CHRNB1: variants seen among roughly 807,000 people sequenced by gnomAD.
The protein encoded by CHRNB1 is acetylcholine receptor subunit beta.
Under a neutral mutation model 53.8 loss-of-function variants are expected in CHRNB1, and 47 were observed. The observed-to-expected ratio is 0.87, with a 90% CI of 0.69 to 1.11. The LOEUF (loss-of-function observed/expected upper bound fraction) is 1.11. Ranked by LOEUF, CHRNB1 falls within the 50% of genes most tolerant of loss-of-function variation. The probability of loss-of-function intolerance (pLI) is 0.00; values close to 1 mark genes in which losing one functional copy is unlikely to be tolerated. For missense variants in CHRNB1, 605 were observed against 654.9 expected (o/e 0.92, Z 0.83); for synonymous variants, 259 against 263.5 (o/e 0.98, Z 0.16).
At position 7,456,737 on chromosome 17, in the gene CHRNB1, G is replaced by A. The variant is rs770263810; in HGVS notation, c.*14G>A. On this transcript the variant is annotated 3_prime_UTR_variant, in exon 11 of 11. Coordinates refer to ENST00000306071, the MANE Select transcript of CHRNB1 (RefSeq NM_000747.3). ...CCCTTTCCTTGAAGACTGGAGGGTTGAGACCCAGGCCCCCTGCCAGTTGAA... is the reference window on the plus strand; with the variant it reads ...CCCTTTCCTTGAAGACTGGAGGGTTAAGACCCAGGCCCCCTGCCAGTTGAA... 4 of 1,614,174 alleles carry A rather than the reference G, an allele frequency of 2.5e-6. No homozygotes were observed. The South Asian group carries it at 4.4e-5, about 18-fold the overall frequency.
At position 7,447,380 on chromosome 17, in the gene CHRNB1, TC is replaced by T. The variant is rs755819405; in HGVS notation, c.463-120del. ...CCCCATCCCTCCCCCATTAATGGCT[TC>T]CCTTCATAACCCTCCAATTCCTCCA... On this transcript the variant is annotated intron_variant, in intron 5 of 10. Transcript: ENST00000306071. The T allele has an allele frequency of 3.1e-5, 38 of 1,221,494 alleles. No homozygotes were observed. The African/African-American group carries it at 5.3e-4, about 17-fold the overall frequency. 75.7% of individuals were successfully genotyped at this position (1,221,494 alleles called of 1,614,324 possible). A position where few individuals can be genotyped will look rare whatever the true frequency, so the allele number is the denominator to read the frequency against.
chr17:7,451,274 CTT>C (rs34769424), intron 7 of CHRNB1, among the ~76,000 whole-genome samples: 20 of 92,022 alleles, frequency 2.2e-4, no homozygotes, highest in Admixed American at 5.2e-4. Flanking sequence ...CTTTTCTTTT[CTT>C]TTTTTTTTTT....
chr17:7,445,222 G>A lies in CHRNB1; in HGVS notation c.58+37G>A. ...CCCCGAAGGGGCAGTGACGGGGCCAGCGGTCGTGGCCAGGCACCAGGGCTG... is the reference window on the plus strand; with the variant it reads ...CCCCGAAGGGGCAGTGACGGGGCCAACGGTCGTGGCCAGGCACCAGGGCTG... On this transcript the variant is annotated intron_variant, in intron 1 of 10. Transcript: ENST00000306071. This position sits in a 1 kb window ranked among gnomAD's most constrained non-coding sequence, Gnocchi z 5.7. 6.2e-7 allele frequency: 1 copy of A among 1,611,708 alleles called. No homozygotes were observed. Among genetic ancestry groups the A allele is most frequent in the Non-Finnish European group, 8.5e-7 (1 of 1,179,502 alleles).
At chr17:7,447,451 A>T in intron 5 of CHRNB1, 52 bp from the exon 6 acceptor site, 1 of 1,610,396 alleles carries the variant, frequency 6.2e-7, no homozygotes, top group South Asian at 1.1e-5. Context: ...CCCAAACTCC[A>T]CCAGCGCTGA....
intron 7 of CHRNB1, among the ~76,000 whole-genome samples, chr17:7,451,089 C>T (rs1417152330): frequency 1.3e-5 from 2 of 151,990 alleles, no homozygotes; most frequent in Non-Finnish European, 2.9e-5. Context: ...GACCTATAGA[C>T]CATAACCAGC....
rs1360306637 is a variant in CHRNB1 at position 7,456,690 on chromosome 17, G to A, written c.1473G>A (p.Thr491=). 12 of 1,614,016 alleles carry A rather than the reference G, an allele frequency of 7.4e-6. No homozygotes were observed. The highest frequency in any genetic ancestry group is 2.7e-5 in the African/African-American group (2 of 74,898). ...CCCTAGTCATCTTCCTGGACGCCACGTACCACTTGCCCCCTCCAGACCCCT... is the reference window on the plus strand; with the variant it reads ...CCCTAGTCATCTTCCTGGACGCCACATACCACTTGCCCCCTCCAGACCCCT... ...VGTLVIFLDA[T]YHLPPPDPFP is the part of the protein sequence containing the mutation. The change falls in exon 11 of 11, where the codon ACG becomes ACA. Residue 491 remains threonine (T), a synonymous_variant. Coordinates refer to ENST00000306071, the MANE Select transcript of CHRNB1 (RefSeq NM_000747.3).
intron 7 of CHRNB1, among the ~76,000 whole-genome samples, chr17:7,451,572 C>T (rs1211086067): frequency 3.3e-5 from 5 of 152,112 alleles, no homozygotes; most frequent in East Asian, 1.9e-4. Context: ...TAAGCCACCC[C>T]GCCCAGCCTG....
Position 7,445,344 on chromosome 17 carries a change from G to A in CHRNB1, c.133G>A (p.Ala45Thr), listed in dbSNP as rs1908558301. The A allele has an allele frequency of 6.2e-7, 1 of 1,613,104 alleles. No homozygotes were observed. The highest frequency in any genetic ancestry group is 8.5e-7 in the Non-Finnish European group (1 of 1,179,844). The change falls in exon 2 of 11, where the codon GCG (alanine) becomes ACG (threonine). Residue 45 changes from alanine to threonine, a missense_variant. Transcript: ENST00000306071. This position sits in a 1 kb window ranked among gnomAD's most constrained non-coding sequence, Gnocchi z 5.7. ...FSGYDSSVRPAREVGDRVRVS... is the reference protein window; with the variant it reads ...FSGYDSSVRPTREVGDRVRVS... ...TGGCTATGATAGCTCCGTGCGGCCA[G>A]CGCGGGAGGTGGGAGACCGTGTCAG...
chr17:7,455,659 A>G (rs1310449999), intron 9 of CHRNB1, 135 bp from the exon 10 acceptor site: 1 of 1,326,488 alleles, frequency 7.5e-7, no homozygotes, highest in African/African-American at 1.4e-5. Flanking sequence ...TAGAGAGATC[A>G]CTGCTGGAGG....
chr17:7,446,993 G>C, intron 4 of CHRNB1, 50 bp from the exon 5 acceptor site: 1 of 1,605,998 alleles, frequency 6.2e-7, no homozygotes, highest in South Asian at 1.1e-5. Context: ...CGGGGGGCGG[G>C]GGGCCTCCGG....
In CHRNB1 at chr17:7,445,811, G is replaced by C. The variant is rs180900017; in HGVS notation, c.199-258G>C. ...TGGATTATGAGCTGAAGGCAGGGCCGGGGACAGAGCTAGGCGGAGGGCTAG... is the reference window on the plus strand; with the variant it reads ...TGGATTATGAGCTGAAGGCAGGGCCCGGGACAGAGCTAGGCGGAGGGCTAG... On this transcript the variant is annotated intron_variant, in intron 2 of 10. Coordinates refer to ENST00000306071, the MANE Select transcript of CHRNB1 (RefSeq NM_000747.3). The surrounding 1 kb of genome is among the most constrained non-coding windows in gnomAD (Gnocchi z 5.7). 4.1e-4 allele frequency: 257 copies of C among 620,452 alleles called. 1 individual carries two copies. The African/African-American group carries it at 4.3e-3, about 10-fold the overall frequency. 38.4% of individuals were successfully genotyped at this position (620,452 alleles called of 1,614,324 possible).
intron 9 of CHRNB1, 91 bp from the exon 10 acceptor site, chr17:7,455,702 CT>C (rs761756204): frequency 2.6e-6 from 4 of 1,552,242 alleles, no homozygotes; most frequent in Non-Finnish European, 3.6e-6. Context: ...GTTTTGAGAA[CT>C]GGCAAGTTGT....
At position 7,445,640 on chromosome 17, in the gene CHRNB1, C is replaced by T; in HGVS notation, c.198+231C>T. 1 of 1,404,004 alleles carries T rather than the reference C, an allele frequency of 7.1e-7. No individual in the cohort carries two copies. The highest frequency in any genetic ancestry group is 9.3e-7 in the Non-Finnish European group (1 of 1,073,550). The allele number at this position is 1,404,004 out of a possible 1,614,324, so 87.0% of individuals were successfully genotyped here. A position where few individuals can be genotyped will look rare whatever the true frequency, so the allele number is the denominator to read the frequency against. On this transcript the variant is annotated intron_variant, in intron 2 of 10. Transcript: ENST00000306071. The surrounding 1 kb of genome is among the most constrained non-coding windows in gnomAD (Gnocchi z 5.7). ...GTAGGGTGAAGGACGGACCTGTGAT[C>T]GGACCTTAAAGTGGGGCTGGGGACG...
rs1908677887 is a variant in CHRNB1 at position 7,447,227 on chromosome 17, C to G, written c.462+76C>G. 42 of 1,189,856 alleles carry G rather than the reference C, an allele frequency of 3.5e-5. 1 individual carries two copies. In the South Asian group the frequency reaches 4.8e-4, roughly 14 times the overall value. 73.7% of individuals were successfully genotyped at this position (1,189,856 alleles called of 1,614,324 possible). On this transcript the variant is annotated intron_variant, in intron 5 of 10. Transcript: ENST00000306071. ...TTCCTTAGACATCCTGACTCCCCGGCGACTCCCATCCTTCATCCTTCCCCC... is the reference window on the plus strand; with the variant it reads ...TTCCTTAGACATCCTGACTCCCCGGGGACTCCCATCCTTCATCCTTCCCCC...
intron 7 of CHRNB1, among the ~76,000 whole-genome samples, chr17:7,451,525 C>T (rs780275082): frequency 6.6e-6 from 1 of 152,144 alleles, no homozygotes. Flanking sequence ...AAATGATCCA[C>T]CCGCCTTGGC....
intron 7 of CHRNB1, among the ~76,000 whole-genome samples, chr17:7,453,929 C>T (rs112876847): frequency 2.3e-3 from 346 of 152,094 alleles, no homozygotes; most frequent in African/African-American, 7.7e-3. Flanking sequence ...GGCATGGTGG[C>T]GTGCACCTGT....
At chr17:7,450,919 G>A (rs1244156373) in intron 7 of CHRNB1, among the ~76,000 whole-genome samples, 3 of 152,300 alleles carry the variant, frequency 2.0e-5, no homozygotes, top group African/African-American at 2.4e-5. Context: ...CAGGCTGGGC[G>A]TGGTGGCTCA....
In CHRNB1 at chr17:7,447,666, T is replaced by C. The variant is rs372450105; in HGVS notation, c.610+16T>C. On this transcript the variant is annotated intron_variant, in intron 6 of 10. Transcript: ENST00000306071. The stretch of plus-strand genomic sequence containing the variant: ...ACTTTCATTGGTGAGTAGGCATGGC[T>C]CCTACATCCATGGGCTCTATCATTT... The C allele has an allele frequency of 3.4e-5, 55 of 1,614,004 alleles. No individual in the cohort carries two copies. Among genetic ancestry groups the C allele is most frequent in the Middle Eastern group, 1.6e-4 (1 of 6,084 alleles).
intron 7 of CHRNB1, 48 bp from the exon 8 acceptor site, chr17:7,454,249 T>C (rs1380921256): frequency 6.8e-7 from 1 of 1,466,266 alleles, no homozygotes; most frequent in African/African-American, 1.4e-5. Flanking sequence ...CCATAGAGCT[T>C]TCCTTCAGGC....
Sources: gnomAD v4.1 joint callset for allele counts (sites outside exome capture counted in the v4.1 genomes callset) on GRCh38, gnomAD v4.1.1 for gene constraint, Gnocchi (gnomAD v3.1) non-coding constraint, MANE v1.5 for transcripts, NCBI Gene and HGNC (gene_info 2026-07-23, HGNC 2026-07-21) for gene names.